Variants in REDIC1 observed in about 807,000 individuals in gnomAD.
The protein encoded by REDIC1 is regulator of DNA class I crossover intermediates 1.
chr12:39,668,851 A>C, the REDIC1 span, among the ~76,000 whole-genome samples: 1 of 152,058 alleles, frequency 6.6e-6, no homozygotes, highest in Non-Finnish European at 1.5e-5. Context: ...CGAATCGGCT[A>C]CTGAGGCTTG....
the REDIC1 span, among the ~76,000 whole-genome samples, chr12:39,832,458 A>G: frequency 6.6e-6 from 1 of 152,130 alleles, no homozygotes; most frequent in African/African-American, 2.4e-5. Context: ...ATAATTACTG[A>G]GAACTTATTG....
the REDIC1 span, among the ~76,000 whole-genome samples, chr12:39,744,091 G>T: frequency 7.9e-5 from 12 of 151,678 alleles, no homozygotes; most frequent in Non-Finnish European, 1.5e-4. Context: ...AATATAGAAA[G>T]ATCCAAAGCA....
At chr12:39,768,010 C>A in the REDIC1 span, among the ~76,000 whole-genome samples, 1 of 152,008 alleles carries the variant, frequency 6.6e-6, no homozygotes, top group Admixed American at 6.6e-5. Context: ...AGTGTGAGAC[C>A]AGACTAATAC....
At chr12:39,675,094 A>G in the REDIC1 span, among the ~76,000 whole-genome samples, 131,873 of 152,142 alleles carry the variant, frequency 0.87, 57,408 homozygotes, top group African/African-American at 0.92. Flanking sequence ...GGTGGGCATG[A>G]TGAGAGTGAG....
At chr12:39,832,710 T>C in the REDIC1 span, among the ~76,000 whole-genome samples, 1 of 74,266 alleles carries the variant, frequency 1.3e-5, no homozygotes, top group Non-Finnish European at 2.4e-5. Flanking sequence ...CTGACCCCTC[T>C]ACTTGCTATT....
the REDIC1 span, among the ~76,000 whole-genome samples, chr12:39,732,162 C>T: frequency 6.6e-6 from 1 of 152,196 alleles, no homozygotes; most frequent in Non-Finnish European, 1.5e-5. Context: ...TCTGATATGT[C>T]TTTTAGATCT....
chr12:39,751,797 C>A, the REDIC1 span, among the ~76,000 whole-genome samples: 2 of 152,158 alleles, frequency 1.3e-5, no homozygotes, highest in Non-Finnish European at 2.9e-5. Context: ...CAAACTATCA[C>A]AAGGACAAAA....
chr12:39,692,243 A>G, the REDIC1 span: 9 of 835,592 alleles, frequency 1.1e-5, no homozygotes, highest in Non-Finnish European at 1.6e-5. Flanking sequence ...TAGTACTACT[A>G]ATGCAATTGA....
At chr12:39,674,799 G>A in the REDIC1 span, among the ~76,000 whole-genome samples, 2 of 152,208 alleles carry the variant, frequency 1.3e-5, no homozygotes, top group Non-Finnish European at 2.9e-5. Context: ...GGGTCCTTGG[G>A]GAAGGTACCC....
chr12:39,626,405 G>T, the REDIC1 span: 68 of 1,612,364 alleles, frequency 4.2e-5, 1 homozygote, highest in South Asian at 7.3e-4. Flanking sequence ...TCATTCCTAC[G>T]ACTCCTCTTT....
At chr12:39,715,245 G>A in the REDIC1 span, among the ~76,000 whole-genome samples, 3 of 152,004 alleles carry the variant, frequency 2.0e-5, no homozygotes, top group East Asian at 1.9e-4. Flanking sequence ...TTTGTCTAAG[G>A]TAAGAGATGA....
At chr12:39,644,696 G>C in the REDIC1 span, among the ~76,000 whole-genome samples, 1 of 151,752 alleles carries the variant, frequency 6.6e-6, no homozygotes, top group Non-Finnish European at 1.5e-5. Context: ...CATGGATTTT[G>C]AGAATAAAAC....
chr12:39,901,213 C>T, the REDIC1 span, among the ~76,000 whole-genome samples: 3 of 152,102 alleles, frequency 2.0e-5, no homozygotes, highest in East Asian at 1.9e-4. Context: ...AAGACTTAAA[C>T]GTTAGACCTG....
the REDIC1 span, among the ~76,000 whole-genome samples, chr12:39,643,127 T>A: frequency 6.6e-6 from 1 of 151,688 alleles, no homozygotes; most frequent in African/African-American, 2.4e-5. Context: ...GATAAATAAA[T>A]ATTAGTTAAT....
the REDIC1 span, among the ~76,000 whole-genome samples, chr12:39,743,653 T>A: frequency 6.6e-6 from 1 of 151,930 alleles, no homozygotes; most frequent in Non-Finnish European, 1.5e-5. Context: ...ATGTAAAGAA[T>A]CAGAAGGGCT....
At chr12:39,679,532 A>T in the REDIC1 span, among the ~76,000 whole-genome samples, 1 of 152,236 alleles carries the variant, frequency 6.6e-6, no homozygotes, top group African/African-American at 2.4e-5. Flanking sequence ...ATGATCATGG[A>T]TGTGTAGAAT....
chr12:39,632,444 G>A, the REDIC1 span, among the ~76,000 whole-genome samples: 3 of 152,114 alleles, frequency 2.0e-5, no homozygotes, highest in East Asian at 5.8e-4. Flanking sequence ...AAATATTTTA[G>A]AGATTGACAA....
At chr12:39,828,468 C>T in the REDIC1 span, among the ~76,000 whole-genome samples, 2 of 151,972 alleles carry the variant, frequency 1.3e-5, no homozygotes, top group East Asian at 1.9e-4. Context: ...AAGGAATAAA[C>T]ATTTCTACTA....
the REDIC1 span, among the ~76,000 whole-genome samples, chr12:39,701,296 G>T: frequency 1.3e-5 from 2 of 152,086 alleles, no homozygotes; most frequent in East Asian, 3.9e-4. Flanking sequence ...CCTGGTCTCT[G>T]GTAAAACAGA....
Sources: gnomAD v4.1 joint callset for allele counts (sites outside exome capture counted in the v4.1 genomes callset) on GRCh38, gnomAD v4.1.1 for gene constraint, MANE v1.5 for transcripts, NCBI Gene and HGNC (gene_info 2026-07-23, HGNC 2026-07-21) for gene names.